The following DOP1B variants were observed in gnomAD, a reference collection of about 807,000 sequenced individuals.
DOP1B encodes DOP1 leucine zipper like protein B, also known as protein DOP1B.
DOP1B carries 174 observed loss-of-function variants against 233.5 expected under a neutral mutation model. The ratio of observed to expected loss-of-function variants is 0.75; its 90% CI spans 0.66 to 0.85. DOP1B has a LOEUF of 0.85. Ranked by LOEUF, DOP1B falls within the 40% of genes least tolerant of loss-of-function variation. The pLI, the probability that DOP1B is intolerant of heterozygous loss-of-function variation, is 0.00. For synonymous variants in DOP1B, 1,190 were observed against 1,185.6 expected (o/e 1.00, Z -0.08); for missense variants, 2,652 against 2,846.6 (o/e 0.93, Z 1.56).
intron 7 of DOP1B, 142 bp downstream of exon 7, chr21:36,212,239 T>C: frequency 9.9e-7 from 1 of 1,008,626 alleles, no homozygotes; most frequent in Non-Finnish European, 1.3e-6. Flanking sequence ...AATATGGCAC[T>C]GGTCAGTTGA....
rs547695110 is a variant in DOP1B, at chr21:36,248,392, G to A, written c.4822G>A (p.Gly1608Ser). 9.3e-6 allele frequency: 15 copies of A among 1,613,740 alleles called. No individual in the cohort carries two copies. Among genetic ancestry groups the A allele is most frequent in the Admixed American group, 1.7e-5 (1 of 59,894 alleles). Residue 1608 changes from glycine to serine, a missense_variant, in exon 21 of 37, where the codon GGT becomes AGT. By Grantham distance (56) the Gly-to-Ser change is moderately conservative. Coordinates refer to ENST00000691173, the MANE Select transcript of DOP1B (RefSeq NM_001320714.2). ...TTTTAATTTTTAGACCATGGCTGCA[G>A]GTGATCCTGCCAACTTGAGGAATGC... is the stretch of plus-strand genomic sequence containing the variant. ...ANQNKKTMAA[G>S]DPANLRNARN...
At chr21:36,236,066 A>G (rs1211784071) in intron 15 of DOP1B, among the ~76,000 whole-genome samples, 1 of 152,218 alleles carries the variant, frequency 6.6e-6, no homozygotes, top group Non-Finnish European at 1.5e-5. Context: ...ATTTGATCTA[A>G]GTTATGCCTA....
chr21:36,289,017 T>A (rs538051942), intron 34 of DOP1B, 28 bp from the exon 35 acceptor site: 1 of 1,608,346 alleles, frequency 6.2e-7, no homozygotes, highest in South Asian at 1.1e-5. Flanking sequence ...AATGAATTTA[T>A]AACAAGCGTT....
intron 14 of DOP1B, among the ~76,000 whole-genome samples, chr21:36,232,263 A>G (rs2066776439): frequency 6.6e-6 from 1 of 152,076 alleles, no homozygotes; most frequent in Non-Finnish European, 1.5e-5. Flanking sequence ...GATTACAGGC[A>G]TGAGCCACCG....
intron 32 of DOP1B, among the ~76,000 whole-genome samples, chr21:36,286,151 G>A (rs1039193994): frequency 2.6e-5 from 4 of 152,090 alleles, no homozygotes; most frequent in East Asian, 1.9e-4. Flanking sequence ...TGTATGTCTC[G>A]GCTCAGAGTG....
chr21:36,250,828 C>T (rs911002630), intron 21 of DOP1B, among the ~76,000 whole-genome samples: 2 of 152,178 alleles, frequency 1.3e-5, no homozygotes, highest in Admixed American at 1.3e-4. Context: ...CCTGCAAGAC[C>T]CCCACTGTGC....
intron 2 of DOP1B, among the ~76,000 whole-genome samples, chr21:36,183,638 G>A (rs1216765126): frequency 2.0e-5 from 3 of 152,234 alleles, no homozygotes; most frequent in East Asian, 1.9e-4. Context: ...TCCCCATGGC[G>A]GAGGCACCAT....
Position 36,170,619 on chromosome 21 carries a change from A to G in DOP1B, c.138+5748A>G, listed in dbSNP as rs1215353191. 6 of 148,884 alleles carry G rather than the reference A, an allele frequency of 4.0e-5. No homozygotes were observed. The South Asian group carries it at 1.3e-3, about 31-fold the overall frequency. 9.2% of individuals were successfully genotyped at this position (148,884 alleles called of 1,614,324 possible). A position where few individuals can be genotyped will look rare whatever the true frequency, so the allele number is the denominator to read the frequency against. ...TAAATAAATAAATAAATATATATAT[A>G]TAAAATTATTATTTATTTATTTATA... On this transcript the variant is annotated intron_variant, in intron 2 of 36. Transcript: ENST00000691173.
At chr21:36,270,244 A>C in intron 27 of DOP1B, 87 bp downstream of exon 27, 1 of 1,456,226 alleles carries the variant, frequency 6.9e-7, no homozygotes, top group Non-Finnish European at 9.3e-7. Flanking sequence ...TGTTCTCACC[A>C]CAAAAAGAAA....
At chr21:36,247,464 A>G in intron 19 of DOP1B, 53 bp from the exon 20 acceptor site, 1 of 1,332,514 alleles carries the variant, frequency 7.5e-7, no homozygotes, top group South Asian at 1.3e-5. Context: ...AGAAACCCTT[A>G]TGGCCTCATT....
chr21:36,255,708 G>A (rs567461614), intron 23 of DOP1B, among the ~76,000 whole-genome samples: 22 of 151,720 alleles, frequency 1.5e-4, no homozygotes, highest in African/African-American at 5.3e-4. Flanking sequence ...CTGGGATTAC[G>A]GGCGAGAGCC....
chr21:36,219,220 C>T (rs2066596323), intron 9 of DOP1B, 152 bp from the exon 10 acceptor site: 2 of 1,062,494 alleles, frequency 1.9e-6, no homozygotes, highest in African/African-American at 3.2e-5. Context: ...AAAGTTGTCA[C>T]CAGTAAAGTT....
rs996130220 is a variant in DOP1B, at chr21:36,281,534, T to C, written c.6083T>C (p.Met2028Thr). The change falls in exon 32 of 37, where the codon ATG becomes ACG. Residue 2028 changes from methionine (M) to threonine (T), a missense_variant. This residue lies in a region of DOP1B where 2,617 missense variants were observed against 2,794.3 expected (regional missense o/e 0.94). Coordinates refer to ENST00000691173, the MANE Select transcript of DOP1B (RefSeq NM_001320714.2). Reference protein sequence around the residue: ...KLFSSFEQKAMLLKRQAFAVF... With the variant: ...KLFSSFEQKATLLKRQAFAVF... Reference sequence around the variant, plus strand: ...TTCTCAAGTTTTGAACAGAAAGCCATGCTGTTAAAGCGCCAGGCTTTTGCT... The same window carrying C: ...TTCTCAAGTTTTGAACAGAAAGCCACGCTGTTAAAGCGCCAGGCTTTTGCT... The C allele has an allele frequency of 2.5e-6, 4 of 1,610,286 alleles. No individual in the cohort carries two copies. Among genetic ancestry groups the C allele is most frequent in the Non-Finnish European group, 3.4e-6 (4 of 1,176,858 alleles).
rs962118828 is a variant in DOP1B at position 36,225,678 on chromosome 21, G to T, written c.1473+11G>T. ...GATGTCATTCCTTTGGTGAGTGCTG[G>T]GGAAGGGACATCTCAACGCCTGCTA... On this transcript the variant is annotated intron_variant, in intron 12 of 36. Coordinates refer to ENST00000691173, the MANE Select transcript of DOP1B (RefSeq NM_001320714.2). 1 of 1,613,760 alleles carries T rather than the reference G, an allele frequency of 6.2e-7. No individual in the cohort carries two copies. The highest frequency in any genetic ancestry group is 1.3e-5 in the African/African-American group (1 of 74,896).
intron 4 of DOP1B, among the ~76,000 whole-genome samples, chr21:36,203,286 G>T (rs2066390680): frequency 6.6e-6 from 1 of 152,202 alleles, no homozygotes; most frequent in Non-Finnish European, 1.5e-5. Context: ...GTGGATGCAG[G>T]TGAAAGGTTA....
In DOP1B at chr21:36,244,930, G is replaced by A. The variant is rs531830677; in HGVS notation, c.3068-118G>A. Reference sequence around the variant, plus strand: ...CCGGACTCTGGTGGTGGTGTTTCATGTGAGAATTTTAGGAATATTGATCTT... The same window carrying A: ...CCGGACTCTGGTGGTGGTGTTTCATATGAGAATTTTAGGAATATTGATCTT... On this transcript the variant is annotated intron_variant, in intron 18 of 36. Transcript: ENST00000691173. 9.9e-4 allele frequency: 1,042 copies of A among 1,054,104 alleles called. 22 individuals are homozygous for A. In the South Asian group the frequency reaches 0.018, roughly 18 times the overall value. 65.3% of individuals were successfully genotyped at this position (1,054,104 alleles called of 1,614,324 possible).
intron 22 of DOP1B, among the ~76,000 whole-genome samples, chr21:36,253,421 T>A (rs1338382318): frequency 6.6e-6 from 1 of 152,150 alleles, no homozygotes; most frequent in East Asian, 1.9e-4. Context: ...GTTTAAGAGA[T>A]TAAAACAGGC....
chr21:36,238,802 T>A, intron 17 of DOP1B, 101 bp downstream of exon 17: 1 of 1,140,980 alleles, frequency 8.8e-7, no homozygotes, highest in East Asian at 2.4e-5. Flanking sequence ...AGCGTGCAGT[T>A]GAAAACATGA....
intron 9 of DOP1B, 145 bp downstream of exon 9, chr21:36,214,701 T>C (rs1287828697): frequency 6.3e-6 from 5 of 795,430 alleles, no homozygotes; most frequent in Non-Finnish European, 1.0e-5. Flanking sequence ...TCATGTTATA[T>C]GGTTCAATGA....
Sources: allele counts gnomAD v4.1 joint callset (sites outside exome capture counted in the v4.1 genomes callset), GRCh38; gene constraint gnomAD v4.1.1; regional missense constraint gnomAD v4.1.1; transcripts MANE v1.5; gene names NCBI Gene and HGNC (gene_info 2026-07-23, HGNC 2026-07-21).